KMT2B: variants seen among roughly 807,000 people sequenced by gnomAD.
The protein encoded by KMT2B is lysine methyltransferase 2B.
Under a neutral mutation model 255.3 loss-of-function variants are expected in KMT2B, and 22 were observed. That is an observed-to-expected ratio of 0.09 (90% CI 0.06 to 0.12). The LOEUF (loss-of-function observed/expected upper bound fraction) is 0.12, where lower values mean the gene tolerates loss of function less well. KMT2B is among the 10% of genes least tolerant of loss of function. KMT2B has a pLI of 1.00. For missense variants in KMT2B, 3,149 were observed against 3,737.0 expected (o/e 0.84, Z 4.10); for synonymous variants, 1,730 against 1,498.1 (o/e 1.15, Z -3.57).
chr19:35,731,940 A>G lies in KMT2B; in HGVS notation c.5470A>G (p.Thr1824Ala). Residue 1824 changes from threonine (T) to alanine (A), a missense_variant, in exon 27 of 37, where the codon ACA (threonine) becomes GCA (alanine). Physicochemically the swap from Thr to Ala is moderately conservative, Grantham distance 58. This residue lies in a region of KMT2B where 897 missense variants were observed against 825.3 expected (regional missense o/e 1.09). Coordinates refer to ENST00000420124, the MANE Select transcript of KMT2B (RefSeq NM_014727.3). The part of the protein sequence containing the change: ...PPGGEDPPLD[T>A]DVLVPGAPER... ...AGGTGGTGAGGACCCCCCACTGGAC[A>G]CAGATGTTCTTGTCCCTGGAGCTCC... 6.2e-7 allele frequency: 1 copy of G among 1,613,704 alleles called. No homozygotes were observed. The highest frequency in any genetic ancestry group is 8.5e-7 in the Non-Finnish European group (1 of 1,179,768).
rs1248214310 is a variant in KMT2B, at chr19:35,738,684, T to C, written c.*127T>C. On this transcript the variant is annotated 3_prime_UTR_variant, in exon 37 of 37. Coordinates refer to ENST00000420124, the MANE Select transcript of KMT2B (RefSeq NM_014727.3). The surrounding 1 kb of genome is among the most constrained non-coding windows in gnomAD (Gnocchi z 8.7). ...CCCACCCTCATGTTCAGGGTGGATG[T>C]GGGCATGCAGGTGACAAGGGCCCTG... 4 of 1,110,732 alleles carry C rather than the reference T, an allele frequency of 3.6e-6. No individual in the cohort carries two copies. The highest frequency in any genetic ancestry group is 5.0e-6 in the Non-Finnish European group (4 of 794,804). The allele number at this position is 1,110,732 out of a possible 1,614,324, so 68.8% of individuals were successfully genotyped here. A position where few individuals can be genotyped will look rare whatever the true frequency, so the allele number is the denominator to read the frequency against.
chr19:35,733,371 G>T lies in KMT2B; in HGVS notation c.6822G>T (p.Gln2274His). ...LSSGPASPPRQAIRVKRVSTF... is the reference protein window; with the variant it reads ...LSSGPASPPRHAIRVKRVSTF... ...GTGGGCCAGCCAGCCCGCCCCGCCA[G>T]GCCATCCGCGTCAAGAGGGTGTCCA... Residue 2274 changes from glutamine to histidine, a missense_variant, in exon 28 of 37, where the codon CAG becomes CAT. Coordinates refer to ENST00000420124, the MANE Select transcript of KMT2B (RefSeq NM_014727.3). This position sits in a 1 kb window ranked among gnomAD's most constrained non-coding sequence, Gnocchi z 4.3. 1 of 1,376,638 alleles carries T rather than the reference G, an allele frequency of 7.3e-7. No homozygotes were observed. Among genetic ancestry groups the T allele is most frequent in the African/African-American group, 1.5e-5 (1 of 66,932 alleles). 85.3% of individuals were successfully genotyped at this position (1,376,638 alleles called of 1,614,324 possible).
At chr19:35,721,845 C>T (rs138326469) in intron 3 of KMT2B, 41 bp downstream of exon 3, 20,944 of 1,510,452 alleles carry the variant, frequency 0.014, 193 homozygotes, top group Non-Finnish European at 0.016. Context: ...CCCAGCCATC[C>T]AGCCTCCATT....
Position 35,732,707 on chromosome 19 carries a change from C to A in KMT2B, c.6158C>A (p.Pro2053His), listed in dbSNP as rs547427467. 6.2e-7 allele frequency: 1 copy of A among 1,609,448 alleles called. No individual in the cohort carries two copies. Among genetic ancestry groups the A allele is most frequent in the East Asian group, 2.2e-5 (1 of 44,686 alleles). The stretch of plus-strand genomic sequence containing the variant: ...CCTGGTCTGGCCCCCAGCGCTACCC[C>A]TGGAGCCCCCCGCATTGAACAGCTG... ...SAPGLAPSATPGAPRIEQLDG... is the reference protein window; with the variant it reads ...SAPGLAPSATHGAPRIEQLDG... The change falls in exon 28 of 37, where the codon CCT becomes CAT. Residue 2053 changes from proline to histidine, a missense_variant. Around this residue, in one of 18 missense-constraint regions of KMT2B, gnomAD observed 897 missense variants for 825.3 expected, o/e 1.09. Coordinates refer to ENST00000420124, the MANE Select transcript of KMT2B (RefSeq NM_014727.3).
chr19:35,738,110 G>T lies in KMT2B; in HGVS notation c.7791G>T (p.Ala2597=). 1 of 1,613,848 alleles carries T rather than the reference G, an allele frequency of 6.2e-7. No individual in the cohort carries two copies. The highest frequency in any genetic ancestry group is 8.5e-7 in the Non-Finnish European group (1 of 1,179,872). Reference sequence around the variant, plus strand: ...TGTTCTGTAAGCGCAACATCGACGCGGGGGAGATGGTCATCGAGTACTCTG... The same window carrying T: ...TGTTCTGTAAGCGCAACATCGACGCTGGGGAGATGGTCATCGAGTACTCTG... ...RGLFCKRNID[A]GEMVIEYSGI... is the part of the protein sequence containing the mutation. Residue 2597 remains alanine, a synonymous_variant, in exon 36 of 37, where the codon GCG becomes GCT. Coordinates refer to ENST00000420124, the MANE Select transcript of KMT2B (RefSeq NM_014727.3). The surrounding 1 kb of genome is among the most constrained non-coding windows in gnomAD (Gnocchi z 8.7).
rs1315306655 is a variant in KMT2B at position 35,724,707 on chromosome 19, C to G, written c.3405C>G (p.Leu1135=). 1.9e-6 allele frequency: 3 copies of G among 1,595,492 alleles called. No individual in the cohort carries two copies. Among genetic ancestry groups the G allele is most frequent in the Non-Finnish European group, 2.6e-6 (3 of 1,171,430 alleles). ...CTACCCTGCAGCCTGTGTTGCAGCT[C>G]AAGGCCCGAAGGCGCCTGGACAAGG... ...RKPTLQPVLQ[L]KARRRLDKDA... The change falls in exon 9 of 37, where the codon CTC becomes CTG. Residue 1135 remains leucine, a synonymous_variant. Transcript: ENST00000420124.
At position 35,727,308 on chromosome 19, in the gene KMT2B, G is replaced by GT. The variant is rs759918173; in HGVS notation, c.4117+40dup. The GT allele has an allele frequency of 6.3e-7, 1 of 1,591,654 alleles. No homozygotes were observed. Among genetic ancestry groups the GT allele is most frequent in the South Asian group, 1.1e-5 (1 of 90,598 alleles). ...GCACCTGGGCTGCAGCCTCAACCCT[G>GT]TGGGGACCCCTGCCCCCACCACAGG... On this transcript the variant is annotated intron_variant, in intron 15 of 36. Coordinates refer to ENST00000420124, the MANE Select transcript of KMT2B (RefSeq NM_014727.3). This position sits in a 1 kb window ranked among gnomAD's most constrained non-coding sequence, Gnocchi z 4.2.
At chr19:35,729,795 CAG>C (rs1230731040) in intron 22 of KMT2B, among the ~76,000 whole-genome samples, 170 bp from the exon 23 acceptor site, 3 of 152,238 alleles carry the variant, frequency 2.0e-5, no homozygotes, top group Non-Finnish European at 4.4e-5. Flanking sequence ...TTCAAAGAAC[CAG>C]AGAGAGTTTG....
chr19:35,721,217 GCCCCTCCACCTCC>G lies in KMT2B; in HGVS notation c.1874_1886del (p.Pro625ArgfsTer31). The G allele has an allele frequency of 5.6e-6, 2 of 356,844 alleles. No homozygotes were observed. The highest frequency in any genetic ancestry group is 7.9e-6 in the Non-Finnish European group (2 of 254,680). The allele number at this position is 356,844 out of a possible 1,614,324, so 22.1% of individuals were successfully genotyped here. On this transcript the variant is annotated frameshift_variant, in exon 3 of 37. Transcript: ENST00000420124. LOFTEE classifies it high-confidence loss of function. ...CCGGGAGCTGCCCCCTCCTCCCCCA[GCCCCTCCACCTCC>G]CCCGGCCCCCTCCCCACCCCCTGCT...
At chr19:35,730,249 G>C in intron 23 of KMT2B, 93 bp from the exon 24 acceptor site, 1 of 1,595,750 alleles carries the variant, frequency 6.3e-7, no homozygotes, top group Non-Finnish European at 8.6e-7. Flanking sequence ...TTTTCCCAGA[G>C]GCCTTTAGGC....
At position 35,720,751 on chromosome 19, in the gene KMT2B, G is replaced by A. The variant is rs576728234; in HGVS notation, c.1404G>A (p.Lys468=). ...TGGTCCCAGCTACGTGCTCCAGGAA[G>A]AGGGGCCGGCCTCCCCTGACTCCCA... is the stretch of plus-strand genomic sequence containing the variant. ...PPVVPATCSR[K]RGRPPLTPSQ... Residue 468 remains lysine (K), a synonymous_variant, in exon 3 of 37, where the codon AAG becomes AAA. Transcript: ENST00000420124. 6.8e-6 allele frequency: 10 copies of A among 1,473,262 alleles called. No individual in the cohort carries two copies. The Admixed American group carries it at 2.3e-4, about 34-fold the overall frequency. 91.3% of individuals were successfully genotyped at this position (1,473,262 alleles called of 1,614,324 possible).
chr19:35,730,941 C>T (rs1969666259), intron 26 of KMT2B, 74 bp downstream of exon 26: 3 of 1,453,542 alleles, frequency 2.1e-6, no homozygotes, highest in African/African-American at 2.8e-5. Context: ...GTTCCCCGCT[C>T]CCTTTTGGAA....
Position 35,723,494 on chromosome 19 carries a change from C to T in KMT2B, c.3050C>T (p.Ala1017Val), listed in dbSNP as rs1969301334. ...GAGGCTCGGAAGATGGAACGACTGG[C>T]TAAAAAAGGTGACGAGCTTTAAGGA... Reference protein sequence around the residue: ...KIEARKMERLAKKGRTIVKTL... With the variant: ...KIEARKMERLVKKGRTIVKTL... Residue 1017 changes from alanine to valine, a missense_variant, in exon 7 of 37, where the codon GCT (alanine) becomes GTT (valine). Transcript: ENST00000420124. The surrounding 1 kb of genome is among the most constrained non-coding windows in gnomAD (Gnocchi z 7.5). 1.3e-6 allele frequency: 2 copies of T among 1,568,546 alleles called. No individual in the cohort carries two copies. The highest frequency in any genetic ancestry group is 2.7e-5 in the African/African-American group (2 of 73,544).
In KMT2B at chr19:35,720,844, C is replaced by A; in HGVS notation, c.1497C>A (p.Pro499=). 1 of 1,563,856 alleles carries A rather than the reference C, an allele frequency of 6.4e-7. No individual in the cohort carries two copies. Among genetic ancestry groups the A allele is most frequent in the East Asian group, 2.4e-5 (1 of 42,122 alleles). ...GCACCTCTCCTCCCACTCCAACCCC[C>A]AGCACCGCCACGGGAGGCCCTCCGG... is the stretch of plus-strand genomic sequence containing the variant. ...PEGTSPPTPT[P]STATGGPPED... The change falls in exon 3 of 37, where the codon CCC becomes CCA. Residue 499 remains proline (P), a synonymous_variant. Transcript: ENST00000420124.
intron 30 of KMT2B, 148 bp from the exon 31 acceptor site, chr19:35,736,542 C>T (rs1409931877): frequency 2.0e-5 from 18 of 902,140 alleles, no homozygotes; most frequent in Non-Finnish European, 2.7e-5. Flanking sequence ...CACTGGGTAA[C>T]TGGAGCAGAA....
At chr19:35,722,282 C>A (rs917288644) in intron 3 of KMT2B, 77 bp from the exon 4 acceptor site, 2 of 1,418,174 alleles carry the variant, frequency 1.4e-6, no homozygotes, top group Non-Finnish European at 1.9e-6. Context: ...GGATTACAGG[C>A]ATCAGCCACC....
Position 35,721,423 on chromosome 19 carries a change from G to T in KMT2B, c.2076G>T (p.Glu692Asp). Residue 692 changes from glutamate to aspartate, a missense_variant, in exon 3 of 37, where the codon GAG becomes GAT. Glu to Asp is a conservative substitution (Grantham distance 45). This residue lies in a region of KMT2B where 1,188 missense variants were observed against 1,106.4 expected (regional missense o/e 1.07). Coordinates refer to ENST00000420124, the MANE Select transcript of KMT2B (RefSeq NM_014727.3). ...CCGATGACTCTCCAGCTGAGCCTGA[G>T]CCTCGGGCAGTGGGCCGCACCAACC... ...PPADDSPAEP[E>D]PRAVGRTNHL... is the part of the protein sequence containing the mutation. The T allele has an allele frequency of 6.2e-7, 1 of 1,611,832 alleles. No homozygotes were observed. The highest frequency in any genetic ancestry group is 8.5e-7 in the Non-Finnish European group (1 of 1,179,624).
At position 35,721,485 on chromosome 19, in the gene KMT2B, C is replaced by T. The variant is rs1487556372; in HGVS notation, c.2138C>T (p.Thr713Ile). The T allele has an allele frequency of 6.2e-7, 1 of 1,612,770 alleles. No homozygotes were observed. The highest frequency in any genetic ancestry group is 1.1e-5 in the South Asian group (1 of 91,086). ...SLPRFAPVVT[T>I]PVKAEVSPHG... is the part of the protein sequence containing the mutation. The stretch of plus-strand genomic sequence containing the variant: ...CCTCGATTCGCCCCTGTGGTCACCA[C>T]TCCTGTTAAGGCCGAGGTGTCCCCT... The change falls in exon 3 of 37, where the codon ACT (threonine) becomes ATT (isoleucine). Residue 713 changes from threonine to isoleucine, a missense_variant. By Grantham distance (89) the Thr-to-Ile change is moderately conservative. Coordinates refer to ENST00000420124, the MANE Select transcript of KMT2B (RefSeq NM_014727.3).
rs370809172 is a variant in KMT2B, at chr19:35,737,027, T to G, written c.7372+41T>G. On this transcript the variant is annotated intron_variant, in intron 32 of 36. Coordinates refer to ENST00000420124, the MANE Select transcript of KMT2B (RefSeq NM_014727.3). The surrounding 1 kb of genome is among the most constrained non-coding windows in gnomAD (Gnocchi z 5.3). ...CACAGGGGGCAGGGAGCTGGATGTC[T>G]CCCCGAGGGCACCATGGGCCCTCCA... 1 of 1,610,090 alleles carries G rather than the reference T, an allele frequency of 6.2e-7. No homozygotes were observed. Among genetic ancestry groups the G allele is most frequent in the African/African-American group, 1.3e-5 (1 of 74,816 alleles).
Sources: allele counts gnomAD v4.1 joint callset (sites outside exome capture counted in the v4.1 genomes callset), GRCh38; gene constraint gnomAD v4.1.1; regional missense constraint gnomAD v4.1.1; non-coding constraint Gnocchi (gnomAD v3.1); transcripts MANE v1.5; gene names NCBI Gene and HGNC (gene_info 2026-07-23, HGNC 2026-07-21).